Variants in ABCA13 observed in about 807,000 individuals in gnomAD.
ABCA13 encodes ATP-binding cassette sub-family A member 13.
ABCA13 carries 476 observed loss-of-function variants against 478.7 expected under a neutral mutation model. The observed-to-expected ratio is 0.99, with a 90% CI of 0.92 to 1.07. ABCA13 has a LOEUF of 1.07. ABCA13 is among the 50% of genes least tolerant of loss of function. The pLI, the probability that ABCA13 is intolerant of heterozygous loss-of-function variation, is 0.00. For missense variants in ABCA13, 6,060 were observed against 5,910.6 expected, an observed-to-expected ratio of 1.03 and a Z score of -0.83; for synonymous variants, 2,252 against 2,158.9, an observed-to-expected ratio of 1.04 and a Z score of -1.20.
intron 21 of ABCA13, 80 bp downstream of exon 21, chr7:48,295,943 T>C: frequency 2.7e-6 from 4 of 1,473,182 alleles, no homozygotes; most frequent in Non-Finnish European, 2.7e-6. Flanking sequence ...AAAATGTGAA[T>C]TTCAGACAGT....
chr7:48,364,473 G>C (rs67631839), intron 31 of ABCA13, among the ~76,000 whole-genome samples: 35,424 of 151,962 alleles, frequency 0.23, 4,518 homozygotes, highest in African/African-American at 0.33. Context: ...TTATTGTTAA[G>C]TACAGTTCCC....
chr7:48,195,800 G>A (rs1040496828), intron 2 of ABCA13, among the ~76,000 whole-genome samples: 1 of 152,130 alleles, frequency 6.6e-6, no homozygotes, highest in Admixed American at 6.5e-5. Flanking sequence ...AAACAAAGAG[G>A]TTTGGAGTCT....
chr7:48,325,403 T>G (rs748740245), intron 27 of ABCA13, among the ~76,000 whole-genome samples: 29 of 152,166 alleles, frequency 1.9e-4, no homozygotes, highest in Non-Finnish European at 3.7e-4. Flanking sequence ...GCCCTTAGAT[T>G]AGCTTGTGTG....
intron 58 of ABCA13, among the ~76,000 whole-genome samples, chr7:48,609,770 GAGA>G (rs1253301770): frequency 2.6e-5 from 4 of 152,166 alleles, no homozygotes; most frequent in Non-Finnish European, 5.9e-5. Context: ...TACGTGGCCA[GAGA>G]AGGAGAAAGA....
Position 48,208,949 on chromosome 7 carries a change from G to A in ABCA13, c.288-10405G>A, listed in dbSNP as rs568661368. Among the ~76,000 whole-genome samples the A allele has an allele frequency of 2.0e-5, 3 of 152,050 alleles. No individual in the cohort carries two copies. In the South Asian group the frequency reaches 6.2e-4, roughly 32 times the overall value. On this transcript the variant is annotated intron_variant, in intron 3 of 61. Transcript: ENST00000435803. ...TAGTAGCTGTGGTTTTGTCATATGAGGTGTTTATTGTGCTTGATTGTGTTC... is the reference window on the plus strand; with the variant it reads ...TAGTAGCTGTGGTTTTGTCATATGAAGTGTTTATTGTGCTTGATTGTGTTC...
chr7:48,478,259 G>A (rs575801302), intron 45 of ABCA13, among the ~76,000 whole-genome samples: 1 of 144,224 alleles, frequency 6.9e-6, no homozygotes, highest in Non-Finnish European at 1.5e-5. Context: ...TTTATATATA[G>A]TATTTCATTT....
At position 48,313,406 on chromosome 7, in the gene ABCA13, G is replaced by A. The variant is rs575339563; in HGVS notation, c.9681+175G>A. Among the ~76,000 whole-genome samples, 125 of 152,236 alleles carry A rather than the reference G, an allele frequency of 8.2e-4. 2 individuals carry two copies. Among genetic ancestry groups the A allele is most frequent in the African/African-American group, 2.9e-3 (119 of 41,536 alleles). ...ACAGCATAACATAGAATAAGGCCTG[G>A]CATCTCTCTAAAAACTGCATGAAAC... On this transcript the variant is annotated intron_variant, in intron 25 of 61. Coordinates refer to ENST00000435803, the MANE Select transcript of ABCA13 (RefSeq NM_152701.5).
At chr7:48,423,126 T>A (rs547716389) in intron 41 of ABCA13, among the ~76,000 whole-genome samples, 1 of 152,380 alleles carries the variant, frequency 6.6e-6, no homozygotes, top group Admixed American at 6.5e-5. Flanking sequence ...TCTTGCTGCA[T>A]GCATTGTGTT....
At chr7:48,487,766 G>A (rs1829475199) in intron 47 of ABCA13, among the ~76,000 whole-genome samples, 2 of 152,122 alleles carry the variant, frequency 1.3e-5, no homozygotes, top group African/African-American at 4.8e-5. Flanking sequence ...CAGAAATCTG[G>A]CTAGTGCCTG....
chr7:48,342,062 G>A (rs934574364), intron 29 of ABCA13, among the ~76,000 whole-genome samples: 2 of 150,930 alleles, frequency 1.3e-5, no homozygotes, highest in African/African-American at 4.9e-5. Context: ...AACATGTGGT[G>A]TAATTTCCTT....
chr7:48,439,755 C>T (rs1398165717), intron 42 of ABCA13, among the ~76,000 whole-genome samples: 1 of 152,070 alleles, frequency 6.6e-6, no homozygotes, highest in Non-Finnish European at 1.5e-5. Flanking sequence ...TTTACTTCTT[C>T]AAAGTGAGCA....
In ABCA13 at chr7:48,374,388, T is replaced by TA; in HGVS notation, c.11176dup (p.Ile3726AsnfsTer15). The TA allele has an allele frequency of 1.2e-6, 2 of 1,610,702 alleles. No homozygotes were observed. Among genetic ancestry groups the TA allele is most frequent in the Non-Finnish European group, 8.5e-7 (1 of 1,178,608 alleles). ...CCGCCTTTGGACAAGGGGTATTTTTTATTACATTCCTGGAAGGACAAGAGA... is the reference window on the plus strand; with the variant it reads ...CCGCCTTTGGACAAGGGGTATTTTTTAATTACATTCCTGGAAGGACAAGAGA... On this transcript the variant is annotated frameshift_variant, in exon 34 of 62. Coordinates refer to ENST00000435803, the MANE Select transcript of ABCA13 (RefSeq NM_152701.5). LOFTEE classifies it high-confidence loss of function.
At chr7:48,407,540 AAAT>A (rs1400007302) in intron 39 of ABCA13, among the ~76,000 whole-genome samples, 2 of 152,084 alleles carry the variant, frequency 1.3e-5, no homozygotes, top group African/African-American at 2.4e-5. Flanking sequence ...AAAATAATAC[AAAT>A]AAAAATAATA....
intron 59 of ABCA13, among the ~76,000 whole-genome samples, chr7:48,634,061 G>T (rs1300026041): frequency 1.3e-5 from 2 of 152,074 alleles, no homozygotes; most frequent in African/African-American, 2.4e-5. Context: ...TAAACAACTT[G>T]CTCCTGAATG....
At chr7:48,384,300 C>A (rs1320218646) in intron 35 of ABCA13, among the ~76,000 whole-genome samples, 2 of 152,196 alleles carry the variant, frequency 1.3e-5, no homozygotes, top group Admixed American at 6.5e-5. Flanking sequence ...AGGGGCTTTT[C>A]GTGTAATTGG....
intron 59 of ABCA13, among the ~76,000 whole-genome samples, chr7:48,631,499 T>TC (rs1274862590): frequency 2.0e-5 from 3 of 152,156 alleles, no homozygotes; most frequent in Non-Finnish European, 4.4e-5. Flanking sequence ...TGTATTCTTT[T>TC]CCATTGGTCT....
chr7:48,634,354 AAC>A (rs1309617118), intron 59 of ABCA13, among the ~76,000 whole-genome samples: 1 of 152,192 alleles, frequency 6.6e-6, no homozygotes, highest in Non-Finnish European at 1.5e-5. Flanking sequence ...CTATTTTTTA[AAC>A]ACGTTTGTGA....
intron 39 of ABCA13, among the ~76,000 whole-genome samples, chr7:48,407,777 C>G (rs1415072381): frequency 6.6e-6 from 1 of 152,140 alleles, no homozygotes; most frequent in East Asian, 1.9e-4. Context: ...AGGCTACTCT[C>G]TAACTCTTGA....
At position 48,367,792 on chromosome 7, in the gene ABCA13, A is replaced by G. The variant is rs775479597; in HGVS notation, c.10689-2A>G. The stretch of plus-strand genomic sequence containing the variant: ...GATGCTGACTGAATTATCCCCTTAC[A>G]GATTCCTGAACAACGTTGGTTTCTT... On this transcript the variant is annotated splice_acceptor_variant, in intron 31 of 61. Transcript: ENST00000435803. LOFTEE classifies it high-confidence loss of function. 2.8e-5 allele frequency: 44 copies of G among 1,557,162 alleles called. No homozygotes were observed. The Admixed American group carries it at 6.2e-4, about 22-fold the overall frequency.
Sources: gnomAD v4.1 joint callset for allele counts (sites outside exome capture counted in the v4.1 genomes callset) on GRCh38, gnomAD v4.1.1 for gene constraint, MANE v1.5 for transcripts, NCBI Gene and HGNC (gene_info 2026-07-23, HGNC 2026-07-21) for gene names.